POLR3B: variants seen among roughly 807,000 people sequenced by gnomAD.
POLR3B encodes RNA polymerase III subunit B.
A neutral mutation model predicts 147.4 loss-of-function variants in POLR3B; 96 were observed. The ratio of observed to expected loss-of-function variants is 0.65; its 90% confidence interval spans 0.55 to 0.77. The LOEUF (loss-of-function observed/expected upper bound fraction) is 0.77, where lower values mean the gene tolerates loss of function less well. POLR3B is among the 30% of genes least tolerant of loss of function. The pLI, the probability that POLR3B is intolerant of heterozygous loss-of-function variation, is 0.00. For missense variants in POLR3B, 1,036 were observed against 1,413.5 expected (o/e 0.73, Z 4.28); for synonymous variants, 461 against 485.9 (o/e 0.95, Z 0.67).
chr12:106,471,734 G>A (rs1302122783), intron 23 of POLR3B, among the ~76,000 whole-genome samples: 1 of 152,110 alleles, frequency 6.6e-6, no homozygotes. Flanking sequence ...GTATATGAAT[G>A]AATGAGTGAA....
At chr12:106,434,174 A>G (rs543150447) in intron 16 of POLR3B, among the ~76,000 whole-genome samples, 3 of 152,188 alleles carry the variant, frequency 2.0e-5, no homozygotes, top group Non-Finnish European at 4.4e-5. Context: ...TGGAGACACT[A>G]TATGTGTAAG....
intron 10 of POLR3B, among the ~76,000 whole-genome samples, chr12:106,402,057 A>G (rs1024084745): frequency 1.3e-5 from 2 of 152,130 alleles, no homozygotes; most frequent in East Asian, 3.9e-4. Flanking sequence ...GTATATCTAG[A>G]AAACCCCATC....
At chr12:106,461,871 C>T (rs2037942208) in intron 22 of POLR3B, among the ~76,000 whole-genome samples, 1 of 152,156 alleles carries the variant, frequency 6.6e-6, no homozygotes, top group Admixed American at 6.5e-5. Context: ...TGGACAAGCT[C>T]CCCAGTTCTC....
At chr12:106,481,414 C>T (rs1267612136) in intron 23 of POLR3B, among the ~76,000 whole-genome samples, 3 of 152,206 alleles carry the variant, frequency 2.0e-5, no homozygotes, top group Non-Finnish European at 4.4e-5. Context: ...TTGACTCAGT[C>T]TTCTTGCTTT....
Position 106,430,214 on chromosome 12 carries a change from G to A in POLR3B, c.1264-59G>A, listed in dbSNP as rs114760215. 1.4e-3 allele frequency: 1,891 copies of A among 1,310,036 alleles called. 24 individuals carry two copies. The African/African-American group carries it at 0.022, about 15-fold the overall frequency. 81.2% of individuals were successfully genotyped at this position (1,310,036 alleles called of 1,614,324 possible). On this transcript the variant is annotated intron_variant, in intron 13 of 27. Coordinates refer to ENST00000228347, the MANE Select transcript of POLR3B (RefSeq NM_018082.6). Reference sequence around the variant, plus strand: ...AATGAACTTCTTGGAGTGACCGCACGGTATCAGACAACATAGGATTGGGTT... The same window carrying A: ...AATGAACTTCTTGGAGTGACCGCACAGTATCAGACAACATAGGATTGGGTT...
At position 106,410,817 on chromosome 12, in the gene POLR3B, G is replaced by A. The variant is rs754613008; in HGVS notation, c.967-9G>A. ...TTCTCAAAATTTTTCTCCAATTTCT[G>A]ACTTACAGGTTAAGGAATTCAATTT... is the stretch of plus-strand genomic sequence containing the variant. On this transcript the variant is annotated splice_polypyrimidine_tract_variant and intron_variant, in intron 11 of 27. Transcript: ENST00000228347. 16 of 1,613,322 alleles carry A rather than the reference G, an allele frequency of 9.9e-6. No homozygotes were observed. The East Asian group carries it at 3.3e-4, about 34-fold the overall frequency.
chr12:106,362,574 C>T (rs1033815647), intron 1 of POLR3B, among the ~76,000 whole-genome samples: 3 of 152,116 alleles, frequency 2.0e-5, no homozygotes, highest in Non-Finnish European at 2.9e-5. Context: ...AGACCTCTAC[C>T]TTCATCTTCA....
chr12:106,370,933 A>G (rs548020845), intron 6 of POLR3B, among the ~76,000 whole-genome samples: 4 of 152,242 alleles, frequency 2.6e-5, no homozygotes, highest in South Asian at 2.1e-4. Flanking sequence ...CGCCTGGCCT[A>G]TCAGTGTTAA....
intron 9 of POLR3B, among the ~76,000 whole-genome samples, chr12:106,388,647 C>T (rs972844888): frequency 6.6e-6 from 1 of 152,146 alleles, no homozygotes; most frequent in Non-Finnish European, 1.5e-5. Flanking sequence ...GAAACAGTTA[C>T]AAAGTTAGAG....
At chr12:106,398,946 G>A (rs545998746) in intron 10 of POLR3B, among the ~76,000 whole-genome samples, 5 of 152,268 alleles carry the variant, frequency 3.3e-5, no homozygotes, top group Middle Eastern at 3.4e-3. Context: ...CCAAAGGAAC[G>A]CAGCTCCTCA....
chr12:106,369,060 AT>A (rs1157335964), intron 4 of POLR3B, among the ~76,000 whole-genome samples: 1 of 152,136 alleles, frequency 6.6e-6, no homozygotes, highest in Admixed American at 6.6e-5. Context: ...GATTTGTAAT[AT>A]TTTTTAAAAG....
intron 23 of POLR3B, among the ~76,000 whole-genome samples, chr12:106,488,992 C>T (rs759593072): frequency 6.6e-6 from 1 of 152,124 alleles, no homozygotes; most frequent in African/African-American, 2.4e-5. Context: ...AAAAAGCGGA[C>T]TCCTTTGATG....
chr12:106,382,469 A>G (rs1388265736), intron 9 of POLR3B, among the ~76,000 whole-genome samples: 1 of 152,210 alleles, frequency 6.6e-6, no homozygotes, highest in Non-Finnish European at 1.5e-5. Flanking sequence ...CAAAGGAATC[A>G]CTATCATGGC....
At chr12:106,419,349 G>A (rs2037344791) in intron 12 of POLR3B, among the ~76,000 whole-genome samples, 1 of 152,186 alleles carries the variant, frequency 6.6e-6, no homozygotes, top group Non-Finnish European at 1.5e-5. Context: ...GGAAGGACAT[G>A]TCTTAACTTT....
chr12:106,492,176 G>C (rs1348324369), intron 23 of POLR3B, among the ~76,000 whole-genome samples: 1 of 148,996 alleles, frequency 6.7e-6, no homozygotes, highest in African/African-American at 2.5e-5. Context: ...TTTTTTTCCT[G>C]CTTAAGATAG....
At chr12:106,364,413 G>A (rs61943672) in intron 2 of POLR3B, among the ~76,000 whole-genome samples, 54,337 of 152,096 alleles carry the variant, frequency 0.36, 10,819 homozygotes, top group African/African-American at 0.53. Flanking sequence ...CACAGTGAGA[G>A]ACCACTTGGC....
chr12:106,437,789 A>T lies in POLR3B; in HGVS notation c.1955+10A>T. ...AACACACAATTAATAAGTAAGTAGG[A>T]TCCATAGCAACCATAATTAAAACGT... On this transcript the variant is annotated intron_variant, in intron 18 of 27. Transcript: ENST00000228347. 6.9e-7 allele frequency: 1 copy of T among 1,439,062 alleles called. No individual in the cohort carries two copies. Among genetic ancestry groups the T allele is most frequent in the Non-Finnish European group, 9.8e-7 (1 of 1,020,848 alleles). 89.1% of individuals were successfully genotyped at this position (1,439,062 alleles called of 1,614,324 possible).
At chr12:106,393,199 CTT>C in intron 10 of POLR3B, 46 bp downstream of exon 10, 1 of 1,610,650 alleles carries the variant, frequency 6.2e-7, no homozygotes, top group Non-Finnish European at 8.5e-7. Context: ...GAATTGGAGA[CTT>C]AATGCTGCTC....
chr12:106,458,666 G>A (rs2037895560), intron 21 of POLR3B, among the ~76,000 whole-genome samples: 1 of 152,028 alleles, frequency 6.6e-6, no homozygotes, highest in African/African-American at 2.4e-5. Context: ...CAGAGTACGC[G>A]ACTTCTCCTC....
Sources: gnomAD v4.1 joint callset for allele counts (sites outside exome capture counted in the v4.1 genomes callset) on GRCh38, gnomAD v4.1.1 for gene constraint, MANE v1.5 for transcripts, NCBI Gene and HGNC (gene_info 2026-07-23, HGNC 2026-07-21) for gene names.